The following TDP1 variants were observed in gnomAD, a reference collection of about 807,000 sequenced individuals.
The protein encoded by TDP1 is tyrosyl-DNA phosphodiesterase 1, also known as tyr-DNA phosphodiesterase 1.
Under a neutral mutation model 81.5 loss-of-function variants are expected in TDP1, and 64 were observed. That is an observed-to-expected ratio of 0.79 (90% CI 0.64 to 0.97). The LOEUF (loss-of-function observed/expected upper bound fraction) is 0.97, where lower values mean the gene tolerates loss of function less well. TDP1 is among the 50% of genes least tolerant of loss of function. The probability of loss-of-function intolerance (pLI) is 0.00; values close to 1 mark genes in which losing one functional copy is unlikely to be tolerated. For synonymous variants in TDP1, 256 were observed against 264.3 expected (o/e 0.97, Z 0.30); for missense variants, 723 against 743.8 (o/e 0.97, Z 0.33).
At chr14:89,974,951 G>T (rs1297795269) in intron 6 of TDP1, among the ~76,000 whole-genome samples, 1 of 152,174 alleles carries the variant, frequency 6.6e-6, no homozygotes, top group Admixed American at 6.5e-5. Flanking sequence ...GTTTGTAAAG[G>T]TGTCATTTTA....
intron 5 of TDP1, among the ~76,000 whole-genome samples, chr14:89,968,370 A>G (rs189896526): frequency 1.7e-4 from 26 of 152,282 alleles, no homozygotes; most frequent in Admixed American, 1.6e-3. Flanking sequence ...ATGTGACTTC[A>G]GTTTTCAGAG....
chr14:89,977,596 C>T (rs977012830), intron 7 of TDP1, among the ~76,000 whole-genome samples: 8 of 152,204 alleles, frequency 5.3e-5, no homozygotes, highest in South Asian at 2.1e-4. Flanking sequence ...CCGCACCTAG[C>T]GTATTTTTAA....
At chr14:89,989,874 T>C (rs932651716) in intron 12 of TDP1, 109 bp downstream of exon 12, 7 of 834,978 alleles carry the variant, frequency 8.4e-6, no homozygotes, top group African/African-American at 6.7e-5. Flanking sequence ...TTCACTTAAC[T>C]ATATAAGGAT....
At chr14:90,035,889 C>G (rs771828280) in intron 16 of TDP1, among the ~76,000 whole-genome samples, 6 of 151,986 alleles carry the variant, frequency 3.9e-5, no homozygotes, top group Admixed American at 6.6e-5. Flanking sequence ...TTCTTTAGTC[C>G]TAATCTTCAA....
At position 90,044,273 on chromosome 14, in the gene TDP1, G is replaced by T. The variant is rs899137900; in HGVS notation, c.*1130G>T. 1 of 152,198 alleles carries T rather than the reference G, an allele frequency of 6.6e-6. No homozygotes were observed. Among genetic ancestry groups the T allele is most frequent in the Non-Finnish European group, 1.5e-5 (1 of 68,048 alleles). 9.4% of individuals were successfully genotyped at this position (152,198 alleles called of 1,614,324 possible). The stretch of plus-strand genomic sequence containing the variant: ...ATCCTAAAAGGTGACTTAATTTGAT[G>T]CCTTAAATTCACAAGTGAGGAAGCT... On this transcript the variant is annotated 3_prime_UTR_variant, in exon 17 of 17. Transcript: ENST00000335725.
At chr14:90,006,945 C>G (rs938968756) in intron 14 of TDP1, among the ~76,000 whole-genome samples, 6 of 152,306 alleles carry the variant, frequency 3.9e-5, no homozygotes, top group African/African-American at 1.2e-4. Context: ...CTTGGCCTCC[C>G]AAAGTGCTGG....
chr14:90,016,304 A>T (rs1885305056), intron 14 of TDP1, among the ~76,000 whole-genome samples: 2 of 151,976 alleles, frequency 1.3e-5, no homozygotes, highest in Admixed American at 1.3e-4. Context: ...TGGCCTCCCA[A>T]AGTGCTGGGA....
At chr14:89,979,646 G>A (rs957858114) in intron 7 of TDP1, among the ~76,000 whole-genome samples, 1 of 152,130 alleles carries the variant, frequency 6.6e-6, no homozygotes, top group African/African-American at 2.4e-5. Flanking sequence ...CAATAGTCCT[G>A]AAGTGGGGTT....
At chr14:89,955,579 G>A (rs1439653660), upstream of TDP1, 1 of 152,266 alleles carries the variant, frequency 6.6e-6, no homozygotes. Context: ...AGGTCTCCTT[G>A]CAGCTGCCTT....
In TDP1 at chr14:90,019,363, C is replaced by A. The variant is rs371140040; in HGVS notation, c.1589C>A (p.Thr530Asn). ...AAWGALEKNG[T>N]QLMIRSYELG... ...TGGGGAGCATTGGAGAAGAATGGCA[C>A]CCAGCTGATGATCCGCTCCTACGAG... The change falls in exon 15 of 17, where the codon ACC becomes AAC. Residue 530 changes from threonine to asparagine, a missense_variant. Thr to Asn is a moderately conservative substitution (Grantham distance 65). Transcript: ENST00000335725. 9 of 1,613,212 alleles carry A rather than the reference C, an allele frequency of 5.6e-6. No homozygotes were observed. The African/African-American group carries it at 1.2e-4, about 22-fold the overall frequency.
At chr14:90,002,789 C>G (rs2140182178) in intron 14 of TDP1, among the ~76,000 whole-genome samples, 1 of 151,044 alleles carries the variant, frequency 6.6e-6, no homozygotes, top group African/African-American at 2.4e-5. Context: ...GGGAAGATAA[C>G]TTGAGCCTGG....
chr14:90,040,562 C>T (rs1326762895), intron 16 of TDP1, among the ~76,000 whole-genome samples: 3 of 152,342 alleles, frequency 2.0e-5, no homozygotes, highest in East Asian at 1.9e-4. Flanking sequence ...AGAAGCCCTG[C>T]GAGGTTTCAT....
chr14:90,015,245 T>C (rs1324078828), intron 14 of TDP1, among the ~76,000 whole-genome samples: 1 of 152,232 alleles, frequency 6.6e-6, no homozygotes, highest in East Asian at 1.9e-4. Context: ...TTTCTCAGCA[T>C]GTGCCTGCCT....
chr14:89,996,745 G>A (rs531980478), intron 14 of TDP1, among the ~76,000 whole-genome samples: 1 of 152,348 alleles, frequency 6.6e-6, no homozygotes, highest in Non-Finnish European at 1.5e-5. Flanking sequence ...ATGGTGACCT[G>A]TGGGAGTAAG....
intron 15 of TDP1, among the ~76,000 whole-genome samples, chr14:90,026,499 T>G (rs1309389211): frequency 6.6e-6 from 1 of 152,268 alleles, no homozygotes; most frequent in Non-Finnish European, 1.5e-5. Context: ...CTAGGGTTCA[T>G]GTGCACAACG....
chr14:90,036,243 C>A (rs61998731), intron 16 of TDP1, among the ~76,000 whole-genome samples: 8 of 152,192 alleles, frequency 5.3e-5, no homozygotes, highest in Non-Finnish European at 1.0e-4. Flanking sequence ...GTCCTCTACA[C>A]TGCCTCAGTT....
rs765605118 is a variant in TDP1, at chr14:89,966,195, G to A, written c.603+5G>A. On this transcript the variant is annotated splice_donor_5th_base_variant and intron_variant, in intron 4 of 16. Transcript: ENST00000335725. ...ACGCTTGTTTCTTCAGCTCAGGTGA[G>A]TATACCTTTAAGCTGTTTTTTCTTT... 2.5e-6 allele frequency: 4 copies of A among 1,593,256 alleles called. No homozygotes were observed. Among genetic ancestry groups the A allele is most frequent in the Non-Finnish European group, 3.4e-6 (4 of 1,161,310 alleles).
chr14:89,969,131 A>G (rs1893286819), intron 5 of TDP1, among the ~76,000 whole-genome samples: 1 of 152,158 alleles, frequency 6.6e-6, no homozygotes, highest in Admixed American at 6.5e-5. Context: ...CAGCACCTTG[A>G]TCTTGGACTT....
In TDP1 at chr14:89,991,972, T is replaced by C; in HGVS notation, c.1422T>C (p.His474=). Residue 474 remains histidine, a synonymous_variant, in exon 13 of 17, where the codon CAT becomes CAC. Coordinates refer to ENST00000335725, the MANE Select transcript of TDP1 (RefSeq NM_018319.4). ...IQTAEKQNWL[H]SYFHKWSAET... is the part of the protein sequence containing the mutation. Reference sequence around the variant, plus strand: ...CAGCTGAAAAACAGAATTGGCTGCATTCCTATTTTCAGTAAGTAATTGGTT... The same window carrying C: ...CAGCTGAAAAACAGAATTGGCTGCACTCCTATTTTCAGTAAGTAATTGGTT... The C allele has an allele frequency of 6.2e-7, 1 of 1,612,702 alleles. No individual in the cohort carries two copies. The highest frequency in any genetic ancestry group is 1.1e-5 in the South Asian group (1 of 90,982).
Sources: allele counts gnomAD v4.1 joint callset (sites outside exome capture counted in the v4.1 genomes callset), GRCh38; gene constraint gnomAD v4.1.1; transcripts MANE v1.5; gene names NCBI Gene and HGNC (gene_info 2026-07-23, HGNC 2026-07-21).